Variants in NCR1 observed in about 807,000 individuals in gnomAD.
NCR1 encodes natural cytotoxicity triggering receptor 1, also known as NK cell-activating receptor.
NCR1 carries 30 observed loss-of-function variants against 32.5 expected under a neutral mutation model. The observed-to-expected ratio is 0.92, with a 90% CI of 0.69 to 1.25. The LOEUF (loss-of-function observed/expected upper bound fraction) is 1.25, where lower values mean the gene tolerates loss of function less well. Ranked by LOEUF, NCR1 falls within the 50% of genes most tolerant of loss-of-function variation. NCR1 has a pLI of 0.00. For missense variants in NCR1, 369 were observed against 380.7 expected (o/e 0.97, Z 0.26); for synonymous variants, 169 against 143.4 (o/e 1.18, Z -1.28).
At chr19:54,917,359 G>A (rs1366876549), downstream of NCR1, among the ~76,000 whole-genome samples, 3 of 151,556 alleles carry the variant, frequency 2.0e-5, no homozygotes, top group Middle Eastern at 3.4e-3. Context: ...TTGCTCTGTC[G>A]CCCAGGATGG....
At chr19:54,922,782 AAAAAAAAC>A in the NCR1 span, among the ~76,000 whole-genome samples, 5 of 102,408 alleles carry the variant, frequency 4.9e-5, no homozygotes, top group Non-Finnish European at 7.4e-5. Context: ...CCGTCTCAAA[AAAAAAAAC>A]AAAAAAAAAA....
the NCR1 span, among the ~76,000 whole-genome samples, chr19:54,899,267 G>A: frequency 3.9e-5 from 6 of 152,304 alleles, no homozygotes; most frequent in East Asian, 3.9e-4. Flanking sequence ...TTGGGGTCAA[G>A]CAGCATTGCA....
the NCR1 span, chr19:54,923,778 C>T: frequency 4.8e-5 from 78 of 1,613,754 alleles, no homozygotes; most frequent in Middle Eastern, 1.7e-4. Context: ...GCCGTTGCCC[C>T]GGAAGCATTG....
chr19:54,934,702 G>T, the NCR1 span: 1 of 1,514,028 alleles, frequency 6.6e-7, no homozygotes. The surrounding 1 kb of genome is among the most constrained non-coding windows in gnomAD (Gnocchi z 6.7). Context: ...GGAGGACAGA[G>T]TATACCCTAT....
the NCR1 span, among the ~76,000 whole-genome samples, chr19:54,932,475 A>C: frequency 2.0e-5 from 3 of 152,068 alleles, no homozygotes; most frequent in East Asian, 5.8e-4. Context: ...AGAATTTCTG[A>C]ACAGGAACAG....
downstream of NCR1, among the ~76,000 whole-genome samples, chr19:54,917,268 T>C (rs1413260197): frequency 6.6e-6 from 1 of 151,194 alleles, no homozygotes; most frequent in Non-Finnish European, 1.5e-5. Flanking sequence ...TGAGTCGAGA[T>C]TGCGCCACTG....
At chr19:54,934,451 A>G in the NCR1 span, 1 of 1,609,290 alleles carries the variant, frequency 6.2e-7, no homozygotes. The surrounding 1 kb of genome is among the most constrained non-coding windows in gnomAD (Gnocchi z 6.7). Context: ...ATAGCCCCAG[A>G]ACTAAACCAG....
At chr19:54,930,128 A>G in the NCR1 span, among the ~76,000 whole-genome samples, 1 of 151,272 alleles carries the variant, frequency 6.6e-6, no homozygotes, top group Non-Finnish European at 1.5e-5. Flanking sequence ...AAAAAAAAAA[A>G]AAAAAAGAAA....
chr19:54,930,131 A>G, the NCR1 span, among the ~76,000 whole-genome samples: 248 of 146,290 alleles, frequency 1.7e-3, 1 homozygote, highest in Non-Finnish European at 2.9e-3. Flanking sequence ...AAAAAAAAAA[A>G]AAAGAAAACA....
At chr19:54,923,234 CG>C in the NCR1 span, among the ~76,000 whole-genome samples, 1 of 152,134 alleles carries the variant, frequency 6.6e-6, no homozygotes, top group Non-Finnish European at 1.5e-5. Flanking sequence ...TGAGAGACCG[CG>C]GGGCCCACAG....
the NCR1 span, among the ~76,000 whole-genome samples, chr19:54,922,778 C>CAAAAAAA: frequency 2.0e-4 from 8 of 39,442 alleles, 1 homozygote; most frequent in Admixed American, 1.1e-3. Context: ...AACTCCGTCT[C>CAAAAAAA]AAAAAAAAAA....
At chr19:54,913,790 A>G (rs1009676335), downstream of NCR1, among the ~76,000 whole-genome samples, 18 of 151,996 alleles carry the variant, frequency 1.2e-4, no homozygotes, top group Middle Eastern at 3.4e-3. Context: ...AAACTCGGCC[A>G]GGCACGGTGG....
At chr19:54,927,178 C>T in the NCR1 span, among the ~76,000 whole-genome samples, 4 of 151,958 alleles carry the variant, frequency 2.6e-5, no homozygotes, top group Non-Finnish European at 5.9e-5. Flanking sequence ...CACCTGAGGT[C>T]AGGAGTTCAA....
At chr19:54,902,719 T>C (rs1169051191), upstream of NCR1, among the ~76,000 whole-genome samples, 4 of 152,138 alleles carry the variant, frequency 2.6e-5, no homozygotes, top group Non-Finnish European at 5.9e-5. Context: ...CCTACATAAG[T>C]CTCCTCCATA....
At chr19:54,934,472 G>A in the NCR1 span, 2 of 1,613,712 alleles carry the variant, frequency 1.2e-6, no homozygotes, top group South Asian at 1.1e-5. The surrounding 1 kb of genome is among the most constrained non-coding windows in gnomAD (Gnocchi z 6.7). Context: ...AGCTGCCCAT[G>A]GGAAGAGGAG....
chr19:54,928,026 G>A, the NCR1 span, among the ~76,000 whole-genome samples: 8 of 152,172 alleles, frequency 5.3e-5, no homozygotes, highest in Middle Eastern at 3.4e-3. Flanking sequence ...TCAGGAGTTC[G>A]AGACCAGCCA....
the NCR1 span, among the ~76,000 whole-genome samples, chr19:54,901,006 C>T: frequency 1.3e-5 from 2 of 150,792 alleles, no homozygotes; most frequent in East Asian, 2.0e-4. Context: ...AAAAAAAGGC[C>T]GGGTGCGGTG....
At chr19:54,934,416 A>G in the NCR1 span, 1 of 1,493,854 alleles carries the variant, frequency 6.7e-7, no homozygotes, top group South Asian at 1.1e-5. The surrounding 1 kb of genome is among the most constrained non-coding windows in gnomAD (Gnocchi z 6.7). Context: ...TGGCGCAGTA[A>G]GTCAGGTGTT....
At chr19:54,926,783 G>T in the NCR1 span, among the ~76,000 whole-genome samples, 12 of 152,020 alleles carry the variant, frequency 7.9e-5, no homozygotes, top group Admixed American at 3.9e-4. Flanking sequence ...GGGTGTGGTG[G>T]CGAGCGACTG....
Sources: allele counts gnomAD v4.1 joint callset (sites outside exome capture counted in the v4.1 genomes callset), GRCh38; gene constraint gnomAD v4.1.1; non-coding constraint Gnocchi (gnomAD v3.1); transcripts MANE v1.5; gene names NCBI Gene and HGNC (gene_info 2026-07-23, HGNC 2026-07-21).